Variants in MYLK4 observed in about 807,000 individuals in gnomAD.
The protein encoded by MYLK4 is caMLCK like.
In MYLK4, 46 loss-of-function variants were observed where a neutral mutation model predicts 48.1. The ratio of observed to expected loss-of-function variants is 0.96; its 90% CI spans 0.75 to 1.22. The LOEUF is 1.22. Among genes scored for constraint, MYLK4 ranks in the 50% most tolerant of loss-of-function variants. The pLI is 0.00. For synonymous variants in MYLK4, 170 were observed against 180.8 expected (o/e 0.94, Z 0.48); for missense variants, 451 against 486.1 (o/e 0.93, Z 0.68).
At chr6:2,740,214 T>C (rs1327902135) in intron 2 of MYLK4, among the ~76,000 whole-genome samples, 1 of 152,170 alleles carries the variant, frequency 6.6e-6, no homozygotes, top group Non-Finnish European at 1.5e-5. Context: ...AGTGAGACTT[T>C]AAAGGCATCA....
At chr6:2,694,312 A>G (rs1483031302) in intron 2 of MYLK4, among the ~76,000 whole-genome samples, 1 of 150,820 alleles carries the variant, frequency 6.6e-6, no homozygotes, top group Admixed American at 6.6e-5. Context: ...GCTTGCACAG[A>G]ACTCAGCACA....
intron 6 of MYLK4, among the ~76,000 whole-genome samples, chr6:2,684,872 A>G (rs763860763): frequency 1.2e-4 from 18 of 152,038 alleles, no homozygotes; most frequent in Non-Finnish European, 5.9e-5. Context: ...CTCGGTTTCT[A>G]ACTAACCAGT....
intron 2 of MYLK4, among the ~76,000 whole-genome samples, chr6:2,737,977 C>CGGGGGG (rs1158504264): frequency 3.6e-3 from 9 of 2,516 alleles, no homozygotes; most frequent in Admixed American, 0.017. Flanking sequence ...GTGCCGGGGG[C>CGGGGGG]GGGTGGGGGG....
rs574512827 is a variant in MYLK4, at chr6:2,701,190, CTT to C, written c.160-8333_160-8332del. 3.6e-3 allele frequency among the ~76,000 whole-genome samples: 545 copies of C among 152,138 alleles called. 2 individuals carry two copies. Among genetic ancestry groups the C allele is most frequent in the Admixed American group, 5.9e-3 (90 of 15,290 alleles). On this transcript the variant is annotated intron_variant, in intron 2 of 12. Coordinates refer to ENST00000274643, the MANE Select transcript of MYLK4 (RefSeq NM_001012418.5). The stretch of plus-strand genomic sequence containing the variant: ...TGTTTCTTCATCACCCAATAAAACT[CTT>C]TGATTTCTTCCCGCCGCAGACAGTT...
intron 1 of MYLK4, among the ~76,000 whole-genome samples, 151 bp downstream of exon 1, chr6:2,750,585 A>G (rs1437346663): frequency 2.0e-5 from 3 of 152,226 alleles, no homozygotes; most frequent in South Asian, 2.1e-4. Context: ...AATGTATTAA[A>G]ACAAAAGCTT....
At chr6:2,679,239 T>C (rs373340310) in intron 9 of MYLK4, 41 bp downstream of exon 9, 11 of 1,610,010 alleles carry the variant, frequency 6.8e-6, no homozygotes, top group Admixed American at 1.7e-5. Context: ...AAAATATGCA[T>C]GGAGTTGGAG....
chr6:2,711,269 C>T (rs898770), intron 2 of MYLK4, among the ~76,000 whole-genome samples: 130,792 of 152,246 alleles, frequency 0.86, 56,257 homozygotes, highest in Admixed American at 0.89. Flanking sequence ...AACTCAATTG[C>T]AGAAATTAAT....
chr6:2,692,859 C>G lies in MYLK4; in HGVS notation c.160G>C (p.Ala54Pro), dbSNP rs767424888. The change falls in exon 3 of 13, where the codon GCG becomes CCG. Residue 54 changes from alanine (A) to proline (P), a missense_variant and splice_region_variant. Physicochemically the swap from Ala to Pro is conservative, Grantham distance 27. Transcript: ENST00000274643. ...TCGGCGTTTGACCACACCTCCTTCG[C>G]CTGTGGAGGCACAATTGAGTAATTG... ...DQDSRSGHNE[A>P]KEVWSNADLT... The G allele has an allele frequency of 6.2e-7, 1 of 1,612,224 alleles. No individual in the cohort carries two copies. The highest frequency in any genetic ancestry group is 8.5e-7 in the Non-Finnish European group (1 of 1,179,042).
intron 4 of MYLK4, among the ~76,000 whole-genome samples, chr6:2,686,798 C>A (rs897714668): frequency 5.9e-5 from 9 of 152,212 alleles, no homozygotes; most frequent in African/African-American, 1.9e-4. Context: ...TCAATTCCAA[C>A]CTCTGCTCCA....
chr6:2,685,277 G>C lies in MYLK4; in HGVS notation c.545+19C>G, dbSNP rs772486496. ...AGTGCCCTTGGGGAGGTCAGGGAGGGGGCGGAGGGGATACGTACTACTCCA... is the reference window on the plus strand; with the variant it reads ...AGTGCCCTTGGGGAGGTCAGGGAGGCGGCGGAGGGGATACGTACTACTCCA... On this transcript the variant is annotated intron_variant, in intron 6 of 12. Coordinates refer to ENST00000274643, the MANE Select transcript of MYLK4 (RefSeq NM_001012418.5). The surrounding 1 kb of genome is among the most constrained non-coding windows in gnomAD (Gnocchi z 4.5). 7 of 1,576,008 alleles carry C rather than the reference G, an allele frequency of 4.4e-6. No individual in the cohort carries two copies. Among genetic ancestry groups the C allele is most frequent in the Non-Finnish European group, 5.2e-6 (6 of 1,147,696 alleles).
intron 2 of MYLK4, among the ~76,000 whole-genome samples, chr6:2,745,072 G>A (rs1255820870): frequency 6.6e-6 from 1 of 152,174 alleles, no homozygotes; most frequent in Non-Finnish European, 1.5e-5. Context: ...GAGGAGGAGA[G>A]CACAGACAAC....
At chr6:2,694,512 G>GTGA (rs1561845882) in intron 2 of MYLK4, among the ~76,000 whole-genome samples, 17 of 31,604 alleles carry the variant, frequency 5.4e-4, no homozygotes, top group East Asian at 7.7e-4. Flanking sequence ...GGTGGTGGTG[G>GTGA]CGGTGGTGGT....
the MYLK4 span, among the ~76,000 whole-genome samples, chr6:2,764,024 C>G: frequency 5.3e-5 from 8 of 152,214 alleles, no homozygotes; most frequent in South Asian, 1.7e-3. Context: ...TCCAGCTACT[C>G]GAGAGGCTGA....
At chr6:2,766,334 G>C in the MYLK4 span, 1 of 1,610,774 alleles carries the variant, frequency 6.2e-7, no homozygotes, top group African/African-American at 1.3e-5. Context: ...CACGCTGCAG[G>C]ATTACTTCGG....
chr6:2,770,127 T>G, the MYLK4 span: 7 of 1,614,110 alleles, frequency 4.3e-6, no homozygotes, highest in Non-Finnish European at 5.9e-6. Flanking sequence ...TAGGACACTT[T>G]CCTTCCTCAC....
chr6:2,747,912 T>A (rs1582132399), intron 2 of MYLK4, among the ~76,000 whole-genome samples: 1 of 152,344 alleles, frequency 6.6e-6, no homozygotes, highest in East Asian at 1.9e-4. Flanking sequence ...TTCTCCTTGG[T>A]CTATATTGAA....
intron 11 of MYLK4, 135 bp downstream of exon 11, chr6:2,674,912 T>C (rs1761028664): frequency 5.3e-6 from 4 of 756,302 alleles, no homozygotes; most frequent in Non-Finnish European, 8.7e-6. Flanking sequence ...AGTAATTTAA[T>C]ACTGCACAAG....
intron 11 of MYLK4, among the ~76,000 whole-genome samples, chr6:2,674,387 C>T (rs1439754426): frequency 6.6e-6 from 1 of 152,120 alleles, no homozygotes; most frequent in African/African-American, 2.4e-5. Context: ...AGGCATATTT[C>T]TCCTGAATGA....
At position 2,698,508 on chromosome 6, in the gene MYLK4, C is replaced by A. The variant is rs1163406465; in HGVS notation, c.160-5649G>T. On this transcript the variant is annotated intron_variant, in intron 2 of 12. Transcript: ENST00000274643. ...CTAGCAGAGGACGCTGGGTCATGTA[C>A]CCTGAATAACAGTTTTGCATATTAC... Among the ~76,000 whole-genome samples, 3 of 152,142 alleles carry A rather than the reference C, an allele frequency of 2.0e-5. 1 individual carries two copies. In the South Asian group the frequency reaches 6.2e-4, roughly 31 times the overall value.
Sources: gnomAD v4.1 joint callset for allele counts (sites outside exome capture counted in the v4.1 genomes callset) on GRCh38, gnomAD v4.1.1 for gene constraint, Gnocchi (gnomAD v3.1) non-coding constraint, MANE v1.5 for transcripts, NCBI Gene and HGNC (gene_info 2026-07-23, HGNC 2026-07-21) for gene names.